The following EYA2 variants were observed in gnomAD, a reference collection of about 807,000 sequenced individuals.
EYA2 encodes the protein EYA transcriptional coactivator and phosphatase 2.
A neutral mutation model predicts 69.2 loss-of-function variants in EYA2; 31 were observed. That is an observed-to-expected ratio of 0.45 (90% CI 0.34 to 0.60). The LOEUF (loss-of-function observed/expected upper bound fraction) is 0.60. Among genes scored for constraint, EYA2 ranks in the 20% least tolerant of loss-of-function variants. The pLI is 0.02. For missense variants in EYA2, 622 were observed against 701.2 expected (o/e 0.89, Z 1.28); for synonymous variants, 257 against 279.4 (o/e 0.92, Z 0.80).
At chr20:47,002,315 A>C (rs930503905) in intron 3 of EYA2, among the ~76,000 whole-genome samples, 2 of 152,064 alleles carry the variant, frequency 1.3e-5, no homozygotes, top group Admixed American at 1.3e-4. Context: ...TAGGTATTAA[A>C]TTCGACATGC....
At chr20:46,986,752 A>G (rs1981247996) in intron 1 of EYA2, among the ~76,000 whole-genome samples, 1 of 152,086 alleles carries the variant, frequency 6.6e-6, no homozygotes, top group Non-Finnish European at 1.5e-5. Flanking sequence ...CGACTCTTTT[A>G]AACAACTAGT....
chr20:47,167,589 G>A (rs1016389368), intron 10 of EYA2, among the ~76,000 whole-genome samples: 3 of 151,960 alleles, frequency 2.0e-5, no homozygotes, highest in African/African-American at 7.3e-5. Context: ...TGGCCCTTTG[G>A]TTTTTTGTTT....
intron 12 of EYA2, among the ~76,000 whole-genome samples, chr20:47,178,453 G>A (rs1007791395): frequency 4.0e-5 from 6 of 149,246 alleles, no homozygotes; most frequent in Non-Finnish European, 8.9e-5. Flanking sequence ...CAAAGGTCCT[G>A]GGGCAGGAGT....
intron 10 of EYA2, among the ~76,000 whole-genome samples, chr20:47,147,766 G>A (rs1028154661): frequency 6.6e-6 from 1 of 152,128 alleles, no homozygotes; most frequent in African/African-American, 2.4e-5. Context: ...TTTAAAGAAT[G>A]GTCCAGGATT....
At chr20:47,074,016 T>C in intron 6 of EYA2, 142 bp from the exon 7 acceptor site, 1 of 783,850 alleles carries the variant, frequency 1.3e-6, no homozygotes, top group Non-Finnish European at 1.9e-6. Context: ...CGGGGTCTGC[T>C]TCTGGGAAAC....
chr20:47,069,491 T>A (rs548973512), intron 5 of EYA2, among the ~76,000 whole-genome samples: 1 of 152,032 alleles, frequency 6.6e-6, no homozygotes, highest in South Asian at 2.1e-4. Flanking sequence ...TTCTGTTTTT[T>A]AAAAAAAATC....
At chr20:47,109,906 C>T (rs35017290) in intron 9 of EYA2, among the ~76,000 whole-genome samples, 4,795 of 152,202 alleles carry the variant, frequency 0.032, 247 homozygotes, top group East Asian at 0.22. Flanking sequence ...TTGGGCCCTC[C>T]GGGTCCATAG....
intron 1 of EYA2, among the ~76,000 whole-genome samples, chr20:46,947,696 C>A (rs1978544658): frequency 6.6e-6 from 1 of 152,184 alleles, no homozygotes; most frequent in African/African-American, 2.4e-5. Context: ...GTGGTACTCA[C>A]CATTTCTTTG....
At chr20:46,975,377 T>TA (rs974923116) in intron 1 of EYA2, among the ~76,000 whole-genome samples, 3 of 152,136 alleles carry the variant, frequency 2.0e-5, no homozygotes, top group Admixed American at 6.5e-5. Context: ...TATCTCAAAA[T>TA]AAAAAGTTTT....
chr20:47,023,160 A>G (rs1218795595), intron 5 of EYA2, among the ~76,000 whole-genome samples: 1 of 152,224 alleles, frequency 6.6e-6, no homozygotes, highest in Non-Finnish European at 1.5e-5. Context: ...AACCCCTAAC[A>G]ATTAACCACT....
intron 1 of EYA2, among the ~76,000 whole-genome samples, chr20:46,970,016 A>G (rs1280484471): frequency 1.3e-5 from 2 of 152,226 alleles, no homozygotes; most frequent in South Asian, 2.1e-4. Context: ...CTACTTTTAT[A>G]AAATGCATCT....
chr20:47,158,046 A>G (rs1037631432), intron 10 of EYA2, among the ~76,000 whole-genome samples: 4 of 151,988 alleles, frequency 2.6e-5, no homozygotes, highest in African/African-American at 4.8e-5. Flanking sequence ...ACCTTCATCC[A>G]TGCCCTGTGA....
chr20:46,909,233 A>G (rs1041538504), intron 1 of EYA2, among the ~76,000 whole-genome samples: 1 of 152,126 alleles, frequency 6.6e-6, no homozygotes, highest in African/African-American at 2.4e-5. Context: ...AGAACTTTTT[A>G]TGTTGTTCCC....
At chr20:46,969,219 GT>G (rs796971465) in intron 1 of EYA2, among the ~76,000 whole-genome samples, 10 of 150,588 alleles carry the variant, frequency 6.6e-5, no homozygotes, top group Admixed American at 2.7e-4. Context: ...TTTGTTTTTG[GT>G]TTTTTTTTTG....
At chr20:46,970,944 A>G (rs1980103061) in intron 1 of EYA2, among the ~76,000 whole-genome samples, 1 of 31,284 alleles carries the variant, frequency 3.2e-5, no homozygotes, top group South Asian at 8.7e-4. Flanking sequence ...TCAAAATACT[A>G]TGACGGGGGA....
chr20:47,105,903 A>G (rs140453838), intron 9 of EYA2, among the ~76,000 whole-genome samples: 2 of 152,240 alleles, frequency 1.3e-5, no homozygotes, highest in East Asian at 3.9e-4. Flanking sequence ...CAAAATGTAA[A>G]CAAAGACAGA....
At chr20:46,931,559 C>G (rs1424647871) in intron 1 of EYA2, among the ~76,000 whole-genome samples, 1 of 152,176 alleles carries the variant, frequency 6.6e-6, no homozygotes, top group Non-Finnish European at 1.5e-5. Flanking sequence ...GAAATGAGAT[C>G]ACGTGAGCGA....
intron 9 of EYA2, among the ~76,000 whole-genome samples, chr20:47,116,771 C>A (rs933525570): frequency 6.6e-6 from 1 of 152,202 alleles, no homozygotes; most frequent in African/African-American, 2.4e-5. Flanking sequence ...GCATGTGAAT[C>A]TTTGGCTCTG....
In EYA2 at chr20:47,035,499, C is replaced by G. The variant is rs566406765; in HGVS notation, c.415+19202C>G. Reference sequence around the variant, plus strand: ...CCCTTCTGTCTGCCACCACCCGCCACCCCTTCCCGAAGGGGAAGAAAAAAA... The same window carrying G: ...CCCTTCTGTCTGCCACCACCCGCCAGCCCTTCCCGAAGGGGAAGAAAAAAA... On this transcript the variant is annotated intron_variant, in intron 5 of 15. Coordinates refer to ENST00000327619, the MANE Select transcript of EYA2 (RefSeq NM_005244.5). 2.6e-5 allele frequency among the ~76,000 whole-genome samples: 4 copies of G among 152,322 alleles called. No individual in the cohort carries two copies. In the South Asian group the frequency reaches 8.3e-4, roughly 32 times the overall value.
Sources: allele counts gnomAD v4.1 joint callset (sites outside exome capture counted in the v4.1 genomes callset), GRCh38; gene constraint gnomAD v4.1.1; transcripts MANE v1.5; gene names NCBI Gene and HGNC (gene_info 2026-07-23, HGNC 2026-07-21).